MAMDC2: variants seen among roughly 807,000 people sequenced by gnomAD.
MAMDC2 encodes the protein MAM domain-containing protein 2.
Under a neutral mutation model 89.8 loss-of-function variants are expected in MAMDC2, and 57 were observed. The ratio of observed to expected loss-of-function variants is 0.63; its 90% CI spans 0.51 to 0.79. The LOEUF is 0.79. MAMDC2 is among the 30% of genes least tolerant of loss of function. The probability of loss-of-function intolerance (pLI) is 0.00; values close to 1 mark genes in which losing one functional copy is unlikely to be tolerated. For synonymous variants in MAMDC2, 313 were observed against 293.4 expected (o/e 1.07, Z -0.68); for missense variants, 800 against 820.6 (o/e 0.97, Z 0.31).
At chr9:70,182,845 A>G (rs1418493234) in intron 11 of MAMDC2, among the ~76,000 whole-genome samples, 3 of 152,106 alleles carry the variant, frequency 2.0e-5, no homozygotes, top group Non-Finnish European at 4.4e-5. Context: ...TCATGTCTCT[A>G]TCTCCTTCAG....
At chr9:70,071,160 A>G (rs1267135164) in intron 2 of MAMDC2, among the ~76,000 whole-genome samples, 1 of 152,144 alleles carries the variant, frequency 6.6e-6, no homozygotes, top group Non-Finnish European at 1.5e-5. Context: ...TGTTGGGTTA[A>G]TAGTGTGTGC....
Position 70,140,047 on chromosome 9 carries a change from C to T in MAMDC2, c.995-98C>T, listed in dbSNP as rs531918144. The T allele has an allele frequency of 1.8e-4, 227 of 1,284,898 alleles. 3 individuals carry two copies. In the South Asian group the frequency reaches 3.8e-3, roughly 21 times the overall value. 79.6% of individuals were successfully genotyped at this position (1,284,898 alleles called of 1,614,324 possible). On this transcript the variant is annotated intron_variant, in intron 7 of 13. Transcript: ENST00000377182. ...GTTGTGTTTTACTTCTTCGGTCTCC[C>T]CTGGTACAAATGTGTATATATAAAT...
At position 70,141,349 on chromosome 9, in the gene MAMDC2, A is replaced by G. The variant is rs755295776; in HGVS notation, c.1138+1061A>G. On this transcript the variant is annotated intron_variant, in intron 8 of 13. Coordinates refer to ENST00000377182, the MANE Select transcript of MAMDC2 (RefSeq NM_153267.5). Reference sequence around the variant, plus strand: ...GACTCACCATACTCTCAGTTTGTCAATTTTCAAAGTAATAAAACATTCAAG... The same window carrying G: ...GACTCACCATACTCTCAGTTTGTCAGTTTTCAAAGTAATAAAACATTCAAG... 3.2e-4 allele frequency among the ~76,000 whole-genome samples: 48 copies of G among 152,290 alleles called. No homozygotes were observed. In the Middle Eastern group the frequency reaches 0.01, roughly 32 times the overall value.
At position 70,143,675 on chromosome 9, in the gene MAMDC2, A is replaced by G; in HGVS notation, c.1260A>G (p.Gly420=). 1 of 1,614,176 alleles carries G rather than the reference A, an allele frequency of 6.2e-7. No homozygotes were observed. Among genetic ancestry groups the G allele is most frequent in the Non-Finnish European group, 8.5e-7 (1 of 1,180,028 alleles). Residue 420 remains glycine, a synonymous_variant, in exon 9 of 14, where the codon GGA becomes GGG. Transcript: ENST00000377182. The part of the protein sequence containing the change: ...YCLRFHYAIY[G]FLKMSDTLAV... ...TGCGTTTTCATTATGCCATCTATGG[A>G]TTTTTAAAAATGAGTGACACCCTAG... is the stretch of plus-strand genomic sequence containing the variant.
chr9:70,128,445 C>T (rs1029251244), intron 6 of MAMDC2, among the ~76,000 whole-genome samples: 1 of 152,146 alleles, frequency 6.6e-6, no homozygotes, highest in East Asian at 1.9e-4. Context: ...TCTAGGCTTC[C>T]CCGTGGATTT....
intron 2 of MAMDC2, among the ~76,000 whole-genome samples, chr9:70,050,113 G>A (rs965664533): frequency 6.6e-6 from 1 of 152,194 alleles, no homozygotes; most frequent in Non-Finnish European, 1.5e-5. Context: ...AGATTCCAAA[G>A]ATGCAGTGTT....
chr9:70,220,562 C>T (rs1182422095), intron 12 of MAMDC2, among the ~76,000 whole-genome samples: 50 of 152,366 alleles, frequency 3.3e-4, no homozygotes, highest in East Asian at 3.9e-4. Flanking sequence ...CCATCTGCTA[C>T]ATGCCAGGCA....
chr9:70,139,447 A>C (rs2031125010), intron 7 of MAMDC2, among the ~76,000 whole-genome samples: 1 of 151,400 alleles, frequency 6.6e-6, no homozygotes, highest in Admixed American at 6.6e-5. Flanking sequence ...AAAGGACATG[A>C]ACTCATCATT....
chr9:70,130,986 G>T lies in MAMDC2; in HGVS notation c.901-533G>T, dbSNP rs1230717064. 2.0e-5 allele frequency among the ~76,000 whole-genome samples: 3 copies of T among 152,112 alleles called. No individual in the cohort carries two copies. The East Asian group carries it at 5.8e-4, about 29-fold the overall frequency. ...GACTCTGTCTTGGTTCATTCAGGCT[G>T]CTATAACAAAATACCATAAACTAGG... On this transcript the variant is annotated intron_variant, in intron 6 of 13. Coordinates refer to ENST00000377182, the MANE Select transcript of MAMDC2 (RefSeq NM_153267.5).
chr9:70,141,740 G>T (rs2031230127), intron 8 of MAMDC2, among the ~76,000 whole-genome samples: 1 of 152,182 alleles, frequency 6.6e-6, no homozygotes, highest in African/African-American at 2.4e-5. Context: ...TTGCGGAGAA[G>T]TAGCAAGACA....
At chr9:70,171,725 G>A (rs114286162) in intron 11 of MAMDC2, among the ~76,000 whole-genome samples, 3,174 of 152,164 alleles carry the variant, frequency 0.021, 100 homozygotes, top group African/African-American at 0.072. Context: ...TGTTTCTTAT[G>A]GTCTAACTTG....
At chr9:70,208,619 CTTTA>C (rs1188809567) in intron 11 of MAMDC2, among the ~76,000 whole-genome samples, 12 of 152,160 alleles carry the variant, frequency 7.9e-5, no homozygotes, top group Non-Finnish European at 1.5e-4. Context: ...ACTTAATACC[CTTTA>C]TTTCTTTGTC....
intron 2 of MAMDC2, among the ~76,000 whole-genome samples, chr9:70,053,768 C>G (rs928562158): frequency 6.6e-6 from 1 of 152,152 alleles, no homozygotes; most frequent in Admixed American, 6.5e-5. Context: ...ACTGCTGGAC[C>G]TGCCTGTTCA....
chr9:70,104,134 G>C (rs1227178067), intron 2 of MAMDC2, among the ~76,000 whole-genome samples: 1 of 152,064 alleles, frequency 6.6e-6, no homozygotes, highest in African/African-American at 2.4e-5. Flanking sequence ...ATGGACAAAC[G>C]ATTTGAACAG....
In MAMDC2 at chr9:70,133,700, A is replaced by G. The variant is rs76716558; in HGVS notation, c.994+2088A>G. Among the ~76,000 whole-genome samples, 69 of 152,350 alleles carry G rather than the reference A, an allele frequency of 4.5e-4. 5 individuals are homozygous for G. The East Asian group carries it at 0.013, about 29-fold the overall frequency. ...GAGACTCTTTCCACATCTATAGCAA[A>G]GACGGAAGAAGCTGTTTCATAGACT... On this transcript the variant is annotated intron_variant, in intron 7 of 13. Coordinates refer to ENST00000377182, the MANE Select transcript of MAMDC2 (RefSeq NM_153267.5).
At chr9:70,107,798 G>A (rs1431177802) in intron 2 of MAMDC2, among the ~76,000 whole-genome samples, 6 of 152,160 alleles carry the variant, frequency 3.9e-5, no homozygotes, top group Non-Finnish European at 5.9e-5. Context: ...CAGTCATGCC[G>A]CTCTTCTGAT....
intron 2 of MAMDC2, among the ~76,000 whole-genome samples, chr9:70,080,483 A>G (rs1429423101): frequency 6.6e-6 from 1 of 152,186 alleles, no homozygotes; most frequent in Admixed American, 6.5e-5. Flanking sequence ...ATCATAATCT[A>G]TTTAATCATT....
At chr9:70,206,652 T>TC (rs1411941328) in intron 11 of MAMDC2, among the ~76,000 whole-genome samples, 1 of 152,160 alleles carries the variant, frequency 6.6e-6, no homozygotes, top group African/African-American at 2.4e-5. Flanking sequence ...TATTATACTT[T>TC]AAGTTCTAGG....
intron 10 of MAMDC2, chr9:70,169,670 T>C (rs1394888326): frequency 6.6e-6 from 1 of 152,118 alleles, no homozygotes; most frequent in African/African-American, 2.4e-5. Flanking sequence ...TTAGAAAAAT[T>C]TGGCTAAGAA....
Sources: allele counts gnomAD v4.1 joint callset (sites outside exome capture counted in the v4.1 genomes callset), GRCh38; gene constraint gnomAD v4.1.1; transcripts MANE v1.5; gene names NCBI Gene and HGNC (gene_info 2026-07-23, HGNC 2026-07-21).